Variants in PAX5 observed in about 807,000 individuals in gnomAD.
PAX5 encodes the protein paired box protein Pax-5.
A neutral mutation model predicts 43.7 loss-of-function variants in PAX5; 9 were observed. The ratio of observed to expected loss-of-function variants is 0.21; its 90% CI spans 0.12 to 0.36. The LOEUF (loss-of-function observed/expected upper bound fraction) is 0.36. Ranked by LOEUF, PAX5 falls within the 10% of genes least tolerant of loss-of-function variation. The pLI is 1.00. For missense variants in PAX5, 383 were observed against 532.7 expected, an observed-to-expected ratio of 0.72 and a Z score of 2.77; for synonymous variants, 228 against 214.3, an observed-to-expected ratio of 1.06 and a Z score of -0.56.
At chr9:36,846,641 G>A (rs1822600810) in intron 9 of PAX5, among the ~76,000 whole-genome samples, 1 of 152,158 alleles carries the variant, frequency 6.6e-6, no homozygotes, top group Non-Finnish European at 1.5e-5. Flanking sequence ...TCTGGGGGAG[G>A]GAGGAGGGCA....
At chr9:37,027,626 T>C (rs1285324247) in intron 1 of PAX5, among the ~76,000 whole-genome samples, 2 of 151,304 alleles carry the variant, frequency 1.3e-5, no homozygotes, top group African/African-American at 4.9e-5. Context: ...CCGCCGTCGC[T>C]AGCCCTCCGC....
At chr9:36,996,231 T>C (rs765363675) in intron 5 of PAX5, among the ~76,000 whole-genome samples, 5 of 152,270 alleles carry the variant, frequency 3.3e-5, no homozygotes, top group Non-Finnish European at 5.9e-5. Context: ...TCCGTGGCCA[T>C]CTACTCAGCA....
intron 6 of PAX5, among the ~76,000 whole-genome samples, chr9:36,931,880 T>C (rs1831161626): frequency 6.7e-6 from 1 of 148,440 alleles, no homozygotes; most frequent in Non-Finnish European, 1.5e-5. Context: ...TCATAACATA[T>C]AATGAGACAA....
rs982302460 is a variant in PAX5 at position 36,882,024 on chromosome 9, G to A, written c.992C>T (p.Thr331Met). Residue 331 changes from threonine to methionine, a missense_variant, in exon 8 of 10, where the codon ACG (threonine) becomes ATG (methionine). This residue lies in a region of PAX5 where 291 missense variants were observed against 342.5 expected (regional missense o/e 0.85). Transcript: ENST00000358127. The surrounding 1 kb of genome is among the most constrained non-coding windows in gnomAD (Gnocchi z 4.4). ...PAGQGSYSAP[T>M]LTGMVPGSEF... Reference sequence around the variant, plus strand: ...CTCACCAGGCACCATCCCTGTCAGCGTCGGTGCTGAGTAGCTGCCCTGTCC... The same window carrying A: ...CTCACCAGGCACCATCCCTGTCAGCATCGGTGCTGAGTAGCTGCCCTGTCC... 8 of 1,612,746 alleles carry A rather than the reference G, an allele frequency of 5.0e-6. No individual in the cohort carries two copies. The highest frequency in any genetic ancestry group is 2.7e-5 in the African/African-American group (2 of 74,892).
chr9:36,965,170 A>G (rs1321193925), intron 6 of PAX5, among the ~76,000 whole-genome samples: 1 of 152,002 alleles, frequency 6.6e-6, no homozygotes, highest in Non-Finnish European at 1.5e-5. Context: ...TTAGGCTCTC[A>G]GAGAACCTCA....
intron 7 of PAX5, 100 bp downstream of exon 7, chr9:36,923,255 C>T (rs1159016183): frequency 1.9e-5 from 27 of 1,452,202 alleles, no homozygotes; most frequent in Non-Finnish European, 2.4e-5. Flanking sequence ...ACAAAATTGG[C>T]CAATCACATC....
intron 5 of PAX5, among the ~76,000 whole-genome samples, chr9:36,977,062 A>G (rs1835496460): frequency 6.6e-6 from 1 of 152,182 alleles, no homozygotes; most frequent in Non-Finnish European, 1.5e-5. Flanking sequence ...AGACAAGTGA[A>G]TAATTGCAAT....
chr9:36,945,815 C>T (rs1832451635), intron 6 of PAX5, among the ~76,000 whole-genome samples: 1 of 152,196 alleles, frequency 6.6e-6, no homozygotes, highest in Non-Finnish European at 1.5e-5. Context: ...CTATTTTGTT[C>T]TTCAGTTTCC....
At chr9:36,843,132 G>C (rs561829180) in intron 9 of PAX5, among the ~76,000 whole-genome samples, 14 of 152,004 alleles carry the variant, frequency 9.2e-5, no homozygotes, top group South Asian at 4.2e-4. Flanking sequence ...GCGTGCGTCT[G>C]TGTGTGTGTG....
At chr9:36,879,815 A>C (rs1232405268) in intron 8 of PAX5, among the ~76,000 whole-genome samples, 1 of 152,194 alleles carries the variant, frequency 6.6e-6, no homozygotes, top group Non-Finnish European at 1.5e-5. Context: ...CCATCTCCCA[A>C]GGCCGCCTGG....
chr9:36,856,866 C>T (rs1027430923), intron 8 of PAX5, among the ~76,000 whole-genome samples: 2 of 152,196 alleles, frequency 1.3e-5, no homozygotes, highest in Admixed American at 1.3e-4. Context: ...AGGTTTTGTC[C>T]TTAGCACCTT....
chr9:37,026,565 T>A, intron 1 of PAX5: 1 of 1,340,262 alleles, frequency 7.5e-7, no homozygotes, highest in Non-Finnish European at 9.8e-7. Context: ...GTGCTTACAG[T>A]GTATTTCCAT....
chr9:36,871,178 T>G (rs1007521540), intron 8 of PAX5, among the ~76,000 whole-genome samples: 3 of 152,158 alleles, frequency 2.0e-5, no homozygotes, highest in Non-Finnish European at 2.9e-5. Flanking sequence ...CTCTGCCACC[T>G]GCTGTGTGGC....
rs980456608 is a variant in PAX5 at position 36,836,755 on chromosome 9, G to A, written c.*3805C>T. On this transcript the variant is annotated 3_prime_UTR_variant, in exon 10 of 10. Coordinates refer to ENST00000358127, the MANE Select transcript of PAX5 (RefSeq NM_016734.3). ...CTGCATACTGTCACAGCCAGGCCTG[G>A]AGCCTGTTCCAAAGTGCGAAGGCAA... 4.3e-6 allele frequency: 1 copy of A among 232,346 alleles called. No individual in the cohort carries two copies. The highest frequency in any genetic ancestry group is 2.2e-5 in the African/African-American group (1 of 45,298). 14.4% of individuals were successfully genotyped at this position (232,346 alleles called of 1,614,324 possible).
intron 6 of PAX5, among the ~76,000 whole-genome samples, chr9:36,928,513 A>C (rs1429986454): frequency 1.3e-5 from 2 of 152,214 alleles, no homozygotes; most frequent in Non-Finnish European, 2.9e-5. Flanking sequence ...TTGCCTTGAC[A>C]GTGTGGAACA....
chr9:36,910,924 G>T (rs1021203946), intron 7 of PAX5, among the ~76,000 whole-genome samples: 2 of 152,120 alleles, frequency 1.3e-5, no homozygotes, highest in African/African-American at 4.8e-5. Context: ...CATCCTTTAG[G>T]ATATGCATGT....
rs192592075 is a variant in PAX5, at chr9:36,971,390, G to A, written c.605-4666C>T. Among the ~76,000 whole-genome samples, 258 of 152,310 alleles carry A rather than the reference G, an allele frequency of 1.7e-3. 1 individual carries two copies. The highest frequency in any genetic ancestry group is 3.1e-3 in the Non-Finnish European group (208 of 68,032). ...AAAACTCAGCCCTTGCACAAGGGCA[G>A]GTCTGAACCTCCAGGCCTCCAGTGT... On this transcript the variant is annotated intron_variant, in intron 5 of 9. Transcript: ENST00000358127.
chr9:36,890,774 G>T (rs1034382088), intron 7 of PAX5, among the ~76,000 whole-genome samples: 1 of 152,152 alleles, frequency 6.6e-6, no homozygotes, highest in South Asian at 2.1e-4. Context: ...AATTAAACCC[G>T]AGTGAAAGGA....
At chr9:37,005,070 A>T (rs2132415418) in intron 4 of PAX5, among the ~76,000 whole-genome samples, 1 of 152,322 alleles carries the variant, frequency 6.6e-6, no homozygotes, top group South Asian at 2.1e-4. Context: ...AGTTATACCC[A>T]TTTGATTTTC....
Sources: gnomAD v4.1 joint callset for allele counts (sites outside exome capture counted in the v4.1 genomes callset) on GRCh38, gnomAD v4.1.1 for gene constraint, gnomAD v4.1.1 regional missense constraint, Gnocchi (gnomAD v3.1) non-coding constraint, MANE v1.5 for transcripts, NCBI Gene and HGNC (gene_info 2026-07-23, HGNC 2026-07-21) for gene names.